Variants in GPC5 observed in about 807,000 individuals in gnomAD.
GPC5 encodes glypican 5, also known as glypican-5.
A neutral mutation model predicts 53.9 loss-of-function variants in GPC5; 47 were observed. The observed-to-expected ratio is 0.87, with a 90% CI of 0.69 to 1.11. The LOEUF is 1.11. GPC5 is among the 50% of genes most tolerant of loss of function. GPC5 has a pLI of 0.00. For synonymous variants in GPC5, 286 were observed against 263.3 expected, an observed-to-expected ratio of 1.09 and a Z score of -0.84; for missense variants, 748 against 713.1, an observed-to-expected ratio of 1.05 and a Z score of -0.56.
intron 7 of GPC5, among the ~76,000 whole-genome samples, chr13:92,222,615 G>A (rs960463326): frequency 1.3e-5 from 2 of 152,030 alleles, no homozygotes; most frequent in African/African-American, 4.8e-5. Flanking sequence ...GAATGTCTTT[G>A]TGTCTCCACC....
chr13:92,424,861 T>A (rs960255118), intron 7 of GPC5, among the ~76,000 whole-genome samples: 1 of 151,882 alleles, frequency 6.6e-6, no homozygotes, highest in Non-Finnish European at 1.5e-5. Context: ...ATGTACTGAG[T>A]CCTACTATAT....
intron 7 of GPC5, among the ~76,000 whole-genome samples, chr13:92,532,055 T>C (rs1594282537): frequency 6.6e-6 from 1 of 152,174 alleles, no homozygotes; most frequent in African/African-American, 2.4e-5. Flanking sequence ...TAAAGGCAGG[T>C]GGCTCATCCC....
rs11839012 is a variant in GPC5 at position 92,102,080 on chromosome 13, G to T, written c.1402-42750G>T. ...TGGCATTCATAAGTGTGTATTTAAT[G>T]ATTGATATCATATAAATAGATGAAT... On this transcript the variant is annotated intron_variant, in intron 6 of 7. Transcript: ENST00000377067. Among the ~76,000 whole-genome samples the T allele has an allele frequency of 2.1e-3, 324 of 152,164 alleles. 2 individuals are homozygous for T. The highest frequency in any genetic ancestry group is 7.3e-3 in the African/African-American group (305 of 41,506).
At chr13:92,731,211 G>A (rs1031133036) in intron 7 of GPC5, among the ~76,000 whole-genome samples, 1 of 151,418 alleles carries the variant, frequency 6.6e-6, no homozygotes, top group African/African-American at 2.4e-5. Context: ...AGTAAAAACA[G>A]ATGGAATGTA....
intron 6 of GPC5, among the ~76,000 whole-genome samples, chr13:92,068,727 T>A (rs2041186490): frequency 6.6e-6 from 1 of 151,664 alleles, no homozygotes; most frequent in Non-Finnish European, 1.5e-5. Flanking sequence ...TATAGTTAAT[T>A]ACAATAATTG....
intron 2 of GPC5, among the ~76,000 whole-genome samples, chr13:91,631,040 G>A (rs1483253265): frequency 6.6e-6 from 1 of 152,034 alleles, no homozygotes; most frequent in East Asian, 1.9e-4. Context: ...AACCTGGGCA[G>A]GAAACAGGGG....
intron 6 of GPC5, among the ~76,000 whole-genome samples, chr13:92,035,715 G>A (rs537818075): frequency 7.8e-5 from 11 of 140,304 alleles, no homozygotes; most frequent in African/African-American, 2.9e-4. Context: ...TTCTTAAAAT[G>A]TATTGCTAGC....
chr13:92,285,109 G>A (rs1313845513), intron 7 of GPC5, among the ~76,000 whole-genome samples: 1 of 152,052 alleles, frequency 6.6e-6, no homozygotes, highest in Non-Finnish European at 1.5e-5. Context: ...CAGACAAACA[G>A]AGCCAAATCA....
intron 7 of GPC5, among the ~76,000 whole-genome samples, chr13:92,315,598 A>T (rs1023411037): frequency 1.3e-5 from 2 of 152,184 alleles, no homozygotes; most frequent in African/African-American, 4.8e-5. Flanking sequence ...TAGTTTAGTG[A>T]AATATGAAAA....
intron 3 of GPC5, among the ~76,000 whole-genome samples, chr13:91,708,719 A>G (rs530888454): frequency 2.0e-5 from 3 of 152,336 alleles, no homozygotes; most frequent in East Asian, 3.9e-4. Context: ...AAAAAATTAC[A>G]ATGTATACTT....
At chr13:91,631,724 T>C (rs1201342631) in intron 2 of GPC5, among the ~76,000 whole-genome samples, 1 of 152,052 alleles carries the variant, frequency 6.6e-6, no homozygotes, top group Non-Finnish European at 1.5e-5. Context: ...ATTAGTTGTT[T>C]ATGGACTCAA....
chr13:92,197,227 A>AT (rs2042262709), intron 7 of GPC5, among the ~76,000 whole-genome samples: 1 of 152,166 alleles, frequency 6.6e-6, no homozygotes, highest in Non-Finnish European at 1.5e-5. Context: ...AAATAATAAG[A>AT]TAAAAACCCC....
At chr13:92,109,633 T>C (rs750125242) in intron 6 of GPC5, among the ~76,000 whole-genome samples, 17 of 152,304 alleles carry the variant, frequency 1.1e-4, no homozygotes, top group Non-Finnish European at 2.1e-4. Context: ...CAGGTTTAAT[T>C]TGAGTATCAT....
At chr13:92,010,952 G>A (rs2040656011) in intron 6 of GPC5, among the ~76,000 whole-genome samples, 1 of 152,140 alleles carries the variant, frequency 6.6e-6, no homozygotes, top group Non-Finnish European at 1.5e-5. Flanking sequence ...GATATTAGGA[G>A]CAAATATGCC....
At chr13:92,593,271 C>T (rs1883770730) in intron 7 of GPC5, among the ~76,000 whole-genome samples, 2 of 151,088 alleles carry the variant, frequency 1.3e-5, no homozygotes, top group South Asian at 4.2e-4. Flanking sequence ...TGGCTGGTTC[C>T]ATGGTGGAAA....
chr13:92,192,355 G>A (rs1290884448), intron 7 of GPC5, among the ~76,000 whole-genome samples: 2 of 152,112 alleles, frequency 1.3e-5, no homozygotes, highest in Admixed American at 1.3e-4. Flanking sequence ...TAGGAACTCT[G>A]TACTTTCCAT....
intron 7 of GPC5, among the ~76,000 whole-genome samples, chr13:92,618,346 A>C (rs1884765471): frequency 6.6e-6 from 1 of 152,114 alleles, no homozygotes; most frequent in Non-Finnish European, 1.5e-5. Context: ...AGAAAAAAGT[A>C]GTATTTAGGT....
intron 7 of GPC5, among the ~76,000 whole-genome samples, chr13:92,774,365 T>C (rs2138753136): frequency 1.3e-5 from 2 of 152,330 alleles, no homozygotes; most frequent in Middle Eastern, 6.8e-3. Context: ...TGTCAAGACT[T>C]ATTTAAACAT....
chr13:92,215,301 T>A (rs2042401992), intron 7 of GPC5, among the ~76,000 whole-genome samples: 3 of 152,226 alleles, frequency 2.0e-5, no homozygotes, highest in African/African-American at 7.2e-5. Context: ...ATTTTTTCCA[T>A]CTTTTTATAC....
Sources: allele counts gnomAD v4.1 joint callset (sites outside exome capture counted in the v4.1 genomes callset), GRCh38; gene constraint gnomAD v4.1.1; transcripts MANE v1.5; gene names NCBI Gene and HGNC (gene_info 2026-07-23, HGNC 2026-07-21).